C1orf159: variants seen among roughly 807,000 people sequenced by gnomAD.
C1orf159 encodes chromosome 1 open reading frame 159, also known as uncharacterized protein C1orf159.
C1orf159 carries 19 observed loss-of-function variants against 25.6 expected under a neutral mutation model. The ratio of observed to expected loss-of-function variants is 0.74; its 90% CI spans 0.52 to 1.09. The LOEUF (loss-of-function observed/expected upper bound fraction) is 1.09, where lower values mean the gene tolerates loss of function less well. C1orf159 is among the 50% of genes least tolerant of loss of function. C1orf159 has a pLI of 0.00. For missense variants in C1orf159, 274 were observed against 290.6 expected (o/e 0.94, Z 0.42); for synonymous variants, 139 against 124.7 (o/e 1.12, Z -0.77).
At chr1:1,108,288 C>T (rs1465433069) in intron 1 of C1orf159, among the ~76,000 whole-genome samples, 1 of 142,864 alleles carries the variant, frequency 7.0e-6, no homozygotes, top group Non-Finnish European at 1.5e-5. Flanking sequence ...ACCACAGCCA[C>T]CATGTCTCGG....
chr1:1,086,232 A>G (rs980067065), intron 6 of C1orf159, among the ~76,000 whole-genome samples: 5 of 152,106 alleles, frequency 3.3e-5, no homozygotes, highest in Non-Finnish European at 5.9e-5. Context: ...GAAAGTTACC[A>G]CCTGCCCCGG....
At chr1:1,099,169 G>A (rs920977980) in intron 1 of C1orf159, among the ~76,000 whole-genome samples, 2 of 143,586 alleles carry the variant, frequency 1.4e-5, no homozygotes, top group African/African-American at 2.7e-5. Context: ...TCTAAGAATC[G>A]GAGAGAGATT....
intron 1 of C1orf159, among the ~76,000 whole-genome samples, chr1:1,099,535 A>G (rs71628930): frequency 1.1e-4 from 9 of 85,292 alleles, no homozygotes; most frequent in African/African-American, 8.0e-4. Context: ...TTTTTGGTCT[A>G]TTGTTCTAAG....
Position 1,084,368 on chromosome 1 carries a change from G to T in C1orf159, c.487C>A (p.Pro163Thr). Residue 163 changes from proline (P) to threonine (T), a missense_variant, in exon 9 of 10, where the codon CCG becomes ACG. Transcript: ENST00000421241. ...CTGCTGTTACCTGAGGACTGTGGCG[G>T]GGGGATCATTGCAGCCTTGAAAAGG... Reference protein sequence around the residue: ...QPGEAAAMIPPPQSSVRKPRY... With the variant: ...QPGEAAAMIPTPQSSVRKPRY... The T allele has an allele frequency of 5.1e-6, 8 of 1,566,840 alleles. No homozygotes were observed. The highest frequency in any genetic ancestry group is 6.9e-6 in the Non-Finnish European group (8 of 1,155,330).
chr1:1,087,200 A>AGCAACTGTGGGATAGC lies in C1orf159; in HGVS notation c.245-12_248dup (p.Gly84LeufsTer42). The AGCAACTGTGGGATAGC allele has an allele frequency of 6.2e-7, 1 of 1,607,538 alleles. No homozygotes were observed. Among genetic ancestry groups the AGCAACTGTGGGATAGC allele is most frequent in the Non-Finnish European group, 8.5e-7 (1 of 1,177,752 alleles). ...TCATGGGGAATGGCGCACCCGGGCC[A>AGCAACTGTGGGATAGC]GCAACTGTGGGATAGCAGAACTGTG... On this transcript the variant is annotated frameshift_variant, in exon 6 of 10. Transcript: ENST00000421241. LOFTEE classifies it high-confidence loss of function. This position sits in a 1 kb window ranked among gnomAD's most constrained non-coding sequence, Gnocchi z 8.3.
intron 3 of C1orf159, chr1:1,090,859 T>G (rs912443390): frequency 1.3e-6 from 2 of 1,544,066 alleles, no homozygotes; most frequent in East Asian, 4.9e-5. Flanking sequence ...ACAGGTGCGC[T>G]GGGTGCTGGC....
intron 9 of C1orf159, chr1:1,083,933 C>T (rs766663030): frequency 4.8e-5 from 77 of 1,591,796 alleles, no homozygotes; most frequent in Admixed American, 8.7e-5. Flanking sequence ...CTCTTGGGTC[C>T]GCCTGACCCA....
chr1:1,111,929 C>G (rs1012863269), intron 1 of C1orf159, among the ~76,000 whole-genome samples: 2 of 152,230 alleles, frequency 1.3e-5, no homozygotes, highest in African/African-American at 2.4e-5. Flanking sequence ...TGATAGAAAA[C>G]AAATACCGCA....
chr1:1,091,265 A>G, intron 3 of C1orf159: 1 of 660,962 alleles, frequency 1.5e-6, no homozygotes, highest in South Asian at 1.9e-5. Flanking sequence ...GCCATTCCTG[A>G]GCAGGCGCTC....
At chr1:1,091,606 G>T in intron 2 of C1orf159, 41 bp from the exon 3 acceptor site, 1 of 1,429,924 alleles carries the variant, frequency 7.0e-7, no homozygotes, top group South Asian at 1.2e-5. Flanking sequence ...GAGATGGAGT[G>T]GGGCTGAGGC....
intron 1 of C1orf159, among the ~76,000 whole-genome samples, chr1:1,099,950 A>G (rs537124255): frequency 9.2e-6 from 1 of 108,810 alleles, no homozygotes; most frequent in South Asian, 2.8e-4. Context: ...TGTGTTTTTT[A>G]TATTTAAAGT....
In C1orf159 at chr1:1,107,838, G is replaced by GT. The variant is rs201697421; in HGVS notation, c.-136+8221dup. On this transcript the variant is annotated intron_variant, in intron 1 of 9. Coordinates refer to ENST00000421241, the MANE Select transcript of C1orf159 (RefSeq NM_017891.5). ...TGGGTCTGCACTGCCTTTATGAGCT[G>GT]TAACACTCACTGCAAAGGTCTGCAG... Among the ~76,000 whole-genome samples, 1,095 of 152,296 alleles carry GT rather than the reference G, an allele frequency of 7.2e-3. 10 individuals carry two copies. The highest frequency in any genetic ancestry group is 0.023 in the African/African-American group (962 of 41,562).
At chr1:1,090,068 C>T (rs898691137) in intron 4 of C1orf159, among the ~76,000 whole-genome samples, 1 of 152,198 alleles carries the variant, frequency 6.6e-6, no homozygotes, top group Non-Finnish European at 1.5e-5. Flanking sequence ...TCATGGGCCA[C>T]TCCCCCAGAC....
At chr1:1,114,151 C>T (rs1465865110) in intron 1 of C1orf159, among the ~76,000 whole-genome samples, 1 of 151,950 alleles carries the variant, frequency 6.6e-6, no homozygotes, top group East Asian at 1.9e-4. Flanking sequence ...TCCTGGCCTT[C>T]TGATCCGCCC....
chr1:1,091,332 C>A (rs1331047199), intron 3 of C1orf159, 140 bp downstream of exon 3: 4 of 837,416 alleles, frequency 4.8e-6, no homozygotes, highest in Non-Finnish European at 7.9e-6. Context: ...CTGACCCCAG[C>A]AGTGGACCTG....
At chr1:1,109,552 G>C (rs1383127338) in intron 1 of C1orf159, among the ~76,000 whole-genome samples, 5 of 151,992 alleles carry the variant, frequency 3.3e-5, no homozygotes, top group Admixed American at 3.3e-4. Flanking sequence ...CCGCCATCTT[G>C]AACTCCTGGG....
intron 1 of C1orf159, among the ~76,000 whole-genome samples, chr1:1,115,656 C>T (rs1259425410): frequency 9.7e-6 from 1 of 102,752 alleles, no homozygotes; most frequent in African/African-American, 3.8e-5. Context: ...CCCAGGGACC[C>T]CCTTCCCTGC....
In C1orf159 at chr1:1,091,457, G is replaced by C. The variant is rs1645933789; in HGVS notation, c.72+15C>G. On this transcript the variant is annotated intron_variant, in intron 3 of 9. Transcript: ENST00000421241. ...TCTGGCTTAGGCCGCGTGGACACGTGAGGGGGGCACCTACCGTGTTCTCCA... is the reference window on the plus strand; with the variant it reads ...TCTGGCTTAGGCCGCGTGGACACGTCAGGGGGGCACCTACCGTGTTCTCCA... 1 of 1,549,570 alleles carries C rather than the reference G, an allele frequency of 6.5e-7. No individual in the cohort carries two copies. The highest frequency in any genetic ancestry group is 8.7e-7 in the Non-Finnish European group (1 of 1,146,158).
chr1:1,090,296 A>T, intron 4 of C1orf159, 57 bp downstream of exon 4: 1 of 1,511,976 alleles, frequency 6.6e-7, no homozygotes, highest in South Asian at 1.2e-5. Flanking sequence ...CCCTGGGCAC[A>T]CACACACCAG....
Sources: gnomAD v4.1 joint callset for allele counts (sites outside exome capture counted in the v4.1 genomes callset) on GRCh38, gnomAD v4.1.1 for gene constraint, Gnocchi (gnomAD v3.1) non-coding constraint, MANE v1.5 for transcripts, NCBI Gene and HGNC (gene_info 2026-07-23, HGNC 2026-07-21) for gene names.